The following ATP10B variants were observed in gnomAD, a reference collection of about 807,000 sequenced individuals.
ATP10B encodes ATPase phospholipid transporting 10B (putative), also known as phospholipid-transporting ATPase VB.
Under a neutral mutation model 141.2 loss-of-function variants are expected in ATP10B, and 122 were observed. The observed-to-expected ratio is 0.86, with a 90% CI of 0.75 to 1.00. The LOEUF (loss-of-function observed/expected upper bound fraction) is 1.00. Ranked by LOEUF, ATP10B falls within the 50% of genes least tolerant of loss-of-function variation. The pLI is 0.00. For missense variants in ATP10B, 1,876 were observed against 1,825.3 expected, an observed-to-expected ratio of 1.03 and a Z score of -0.51; for synonymous variants, 685 against 692.0, an observed-to-expected ratio of 0.99 and a Z score of 0.16.
rs936185321 is a variant in ATP10B at position 160,828,076 on chromosome 5, C to T, written c.-576+23865G>A. On this transcript the variant is annotated intron_variant, in intron 1 of 25. Transcript: ENST00000327245. ...AAATTAATTCAAGATGGATTAAAGA[C>T]TTACACGTTAGACCTAAAACCATAA... 2.0e-5 allele frequency among the ~76,000 whole-genome samples: 3 copies of T among 152,240 alleles called. No individual in the cohort carries two copies. In the South Asian group the frequency reaches 6.2e-4, roughly 32 times the overall value.
chr5:160,730,184 C>T (rs760614639), intron 2 of ATP10B, among the ~76,000 whole-genome samples: 1 of 152,096 alleles, frequency 6.6e-6, no homozygotes, highest in Non-Finnish European at 1.5e-5. Context: ...TTTACCTATT[C>T]TTGTTCTACA....
chr5:160,775,083 G>A (rs1382485809), intron 2 of ATP10B, among the ~76,000 whole-genome samples: 6 of 152,190 alleles, frequency 3.9e-5, no homozygotes, highest in South Asian at 4.1e-4. Flanking sequence ...TCCTTTGAAC[G>A]CAACTCTGTT....
chr5:160,595,315 C>T (rs538150387), intron 22 of ATP10B, among the ~76,000 whole-genome samples: 164 of 151,992 alleles, frequency 1.1e-3, no homozygotes, highest in African/African-American at 3.9e-3. Context: ...GAAATGAAGG[C>T]AGAAATAAAG....
intron 2 of ATP10B, among the ~76,000 whole-genome samples, chr5:160,746,027 T>C (rs1176300605): frequency 2.0e-5 from 3 of 152,248 alleles, no homozygotes; most frequent in Admixed American, 6.5e-5. Flanking sequence ...CCTTCCAGTA[T>C]TGGAATGAGG....
chr5:160,706,682 G>A (rs1418027655), intron 3 of ATP10B, among the ~76,000 whole-genome samples: 1 of 152,190 alleles, frequency 6.6e-6, no homozygotes, highest in Non-Finnish European at 1.5e-5. Flanking sequence ...AATACAGAGA[G>A]TTCCTTTACC....
chr5:160,697,315 C>T (rs963254939), intron 3 of ATP10B, among the ~76,000 whole-genome samples: 2 of 152,100 alleles, frequency 1.3e-5, no homozygotes, highest in South Asian at 2.1e-4. Context: ...ATAGTCTTAG[C>T]GGAGACCTTA....
intron 19 of ATP10B, among the ~76,000 whole-genome samples, chr5:160,604,877 C>T (rs1218807107): frequency 6.6e-6 from 1 of 152,166 alleles, no homozygotes; most frequent in African/African-American, 2.4e-5. Flanking sequence ...ATTTAAGTAG[C>T]CACAGATAGC....
rs146106665 is a variant in ATP10B, at chr5:160,827,780, C to T, written c.-576+24161G>A. ...AAAGGTAAGAGTCCAGTTTCATTCA[C>T]CTGCATATGGCTAGCCAGTTATCCC... On this transcript the variant is annotated intron_variant, in intron 1 of 25. Transcript: ENST00000327245. Among the ~76,000 whole-genome samples the T allele has an allele frequency of 6.0e-3, 914 of 152,256 alleles. 13 individuals carry two copies. The highest frequency in any genetic ancestry group is 0.021 in the African/African-American group (870 of 41,548).
chr5:160,730,978 C>T (rs1766696475), intron 2 of ATP10B, among the ~76,000 whole-genome samples: 1 of 152,318 alleles, frequency 6.6e-6, no homozygotes, highest in Non-Finnish European at 1.5e-5. Flanking sequence ...TTCAGCCATT[C>T]TCTGGGTTCT....
intron 2 of ATP10B, among the ~76,000 whole-genome samples, chr5:160,770,744 A>C (rs896752295): frequency 6.6e-6 from 1 of 152,208 alleles, no homozygotes; most frequent in Non-Finnish European, 1.5e-5. Context: ...GTTTTTATGG[A>C]TGTAAAATAG....
chr5:160,600,991 C>T lies in ATP10B; in HGVS notation c.3363+1586G>A, dbSNP rs1757072369. ...TGGCTGCTTGGAAACGTTTTCTTTC[C>T]TATTTCACAAATTTAATGCAGAGAA... On this transcript the variant is annotated intron_variant, in intron 21 of 25. Coordinates refer to ENST00000327245, the MANE Select transcript of ATP10B (RefSeq NM_025153.3). 2.6e-5 allele frequency among the ~76,000 whole-genome samples: 4 copies of T among 152,230 alleles called. No homozygotes were observed. In the South Asian group the frequency reaches 8.3e-4, roughly 32 times the overall value.
At chr5:160,842,012 A>G (rs533634168) in intron 1 of ATP10B, among the ~76,000 whole-genome samples, 2 of 152,352 alleles carry the variant, frequency 1.3e-5, no homozygotes, top group East Asian at 1.9e-4. Context: ...GGCATGAGCC[A>G]TCGCGCCCGG....
At chr5:160,696,654 A>G (rs1054929850) in intron 3 of ATP10B, among the ~76,000 whole-genome samples, 4 of 152,166 alleles carry the variant, frequency 2.6e-5, no homozygotes, top group Non-Finnish European at 5.9e-5. Flanking sequence ...TTTGTGGCTT[A>G]CCTACTAATG....
rs537549496 is a variant in ATP10B, at chr5:160,593,175, C to T, written c.3565-2036G>A. 4.6e-5 allele frequency among the ~76,000 whole-genome samples: 7 copies of T among 152,300 alleles called. No individual in the cohort carries two copies. The East Asian group carries it at 9.7e-4, about 21-fold the overall frequency. ...AACTGGGAGGCACCCCCTCAGTAGG[C>T]GCAGACTGACACCTCACATGGCCGG... On this transcript the variant is annotated intron_variant, in intron 22 of 25. Transcript: ENST00000327245.
At chr5:160,918,892 C>A in the ATP10B span, among the ~76,000 whole-genome samples, 1 of 152,160 alleles carries the variant, frequency 6.6e-6, no homozygotes, top group Non-Finnish European at 1.5e-5. Flanking sequence ...CCTGTATAGG[C>A]AGCTACCAGC....
At chr5:160,924,367 A>G in the ATP10B span, among the ~76,000 whole-genome samples, 1 of 152,254 alleles carries the variant, frequency 6.6e-6, no homozygotes, top group African/African-American at 2.4e-5. Context: ...CCTCTTCCTT[A>G]AAATAATGAG....
intron 24 of ATP10B, among the ~76,000 whole-genome samples, chr5:160,579,432 C>T (rs2127600220): frequency 6.6e-6 from 1 of 152,222 alleles, no homozygotes; most frequent in Non-Finnish European, 1.5e-5. Context: ...GAATCCTTTC[C>T]CCATTGCTTG....
intron 1 of ATP10B, among the ~76,000 whole-genome samples, chr5:160,838,779 G>A (rs950615983): frequency 1.3e-5 from 2 of 152,118 alleles, no homozygotes; most frequent in African/African-American, 4.8e-5. Context: ...TTGGACATTT[G>A]TCCCTCCAAT....
chr5:160,737,774 C>A (rs757090013), intron 2 of ATP10B, among the ~76,000 whole-genome samples: 2 of 151,706 alleles, frequency 1.3e-5, no homozygotes, highest in Non-Finnish European at 2.9e-5. Context: ...ACATAACAAT[C>A]GTAAATGTAT....
Sources: allele counts gnomAD v4.1 joint callset (sites outside exome capture counted in the v4.1 genomes callset), GRCh38; gene constraint gnomAD v4.1.1; transcripts MANE v1.5; gene names NCBI Gene and HGNC (gene_info 2026-07-23, HGNC 2026-07-21).